TNS3: variants seen among roughly 807,000 people sequenced by gnomAD.
The protein encoded by TNS3 is tensin-3.
TNS3 carries 45 observed loss-of-function variants against 140.9 expected under a neutral mutation model. That is an observed-to-expected ratio of 0.32 (90% CI 0.25 to 0.41). The LOEUF (loss-of-function observed/expected upper bound fraction) is 0.41. Among genes scored for constraint, TNS3 ranks in the 10% least tolerant of loss-of-function variants. TNS3 has a pLI of 1.00. For missense variants in TNS3, 1,716 were observed against 1,906.7 expected, an observed-to-expected ratio of 0.90 and a Z score of 1.86; for synonymous variants, 815 against 788.4, an observed-to-expected ratio of 1.03 and a Z score of -0.56.
At chr7:47,297,304 C>T (rs2150663265) in intron 23 of TNS3, 91 bp from the exon 24 acceptor site, 1 of 1,468,564 alleles carries the variant, frequency 6.8e-7, no homozygotes, top group Non-Finnish European at 9.1e-7. Context: ...TCTCCCCTTA[C>T]TCTTTTTGCA....
chr7:47,290,515 A>G lies in TNS3; in HGVS notation c.3928+1440T>C, dbSNP rs892727543. Among the ~76,000 whole-genome samples, 5 of 152,172 alleles carry G rather than the reference A, an allele frequency of 3.3e-5. No homozygotes were observed. The East Asian group carries it at 9.6e-4, about 29-fold the overall frequency. ...CAAAATTTAACAATAAGAAAACAAA[A>G]CCCAATTAAACAAACAAGCCAAAGG... On this transcript the variant is annotated intron_variant, in intron 27 of 30. Coordinates refer to ENST00000311160, the MANE Select transcript of TNS3 (RefSeq NM_022748.12).
chr7:47,475,603 G>C (rs1191190517), intron 4 of TNS3, among the ~76,000 whole-genome samples: 1 of 152,244 alleles, frequency 6.6e-6, no homozygotes, highest in East Asian at 1.9e-4. Flanking sequence ...GCGGGGAAGT[G>C]GGTCCCATAC....
At chr7:47,420,360 A>G (rs976589072) in intron 10 of TNS3, among the ~76,000 whole-genome samples, 4 of 152,138 alleles carry the variant, frequency 2.6e-5, no homozygotes, top group Non-Finnish European at 1.5e-5. Context: ...CCGTTTCCTG[A>G]TGGTCCACGC....
intron 5 of TNS3, 64 bp downstream of exon 5, chr7:47,441,939 T>G: frequency 8.5e-7 from 1 of 1,175,804 alleles, no homozygotes; most frequent in South Asian, 1.3e-5. Context: ...TGCCCAAGTT[T>G]CCTCTGTAGA....
intron 17 of TNS3, among the ~76,000 whole-genome samples, chr7:47,362,444 T>C (rs149164325): frequency 7.7e-4 from 117 of 152,282 alleles, no homozygotes; most frequent in African/African-American, 2.5e-3. Context: ...AAAGGATCAT[T>C]TGCAGTTCCG....
chr7:47,421,519 G>A (rs1031837389), intron 10 of TNS3, among the ~76,000 whole-genome samples: 12 of 151,604 alleles, frequency 7.9e-5, no homozygotes, highest in African/African-American at 2.7e-4. Context: ...GGGATTGTCC[G>A]GCCTCAGCCT....
chr7:47,377,546 A>G (rs936539418), intron 16 of TNS3, among the ~76,000 whole-genome samples: 3 of 152,158 alleles, frequency 2.0e-5, no homozygotes, highest in Non-Finnish European at 4.4e-5. Context: ...TCAAACTCAG[A>G]CTACTATATA....
intron 16 of TNS3, among the ~76,000 whole-genome samples, chr7:47,380,375 T>C (rs898222073): frequency 2.8e-4 from 43 of 152,204 alleles, no homozygotes; most frequent in African/African-American, 9.9e-4. Flanking sequence ...GGAGGTCCTG[T>C]TGGCCTTATC....
intron 1 of TNS3, among the ~76,000 whole-genome samples, chr7:47,581,259 A>T (rs559646773): frequency 5.7e-4 from 87 of 151,870 alleles, no homozygotes; most frequent in African/African-American, 2.0e-3. Flanking sequence ...CTTGTCAGCG[A>T]CAGCTCCCGC....
intron 17 of TNS3, among the ~76,000 whole-genome samples, chr7:47,357,878 T>C (rs543735585): frequency 5.9e-5 from 9 of 152,336 alleles, no homozygotes; most frequent in Admixed American, 5.9e-4. Flanking sequence ...AGGGAAATGA[T>C]ACGTCCACAC....
chr7:47,340,297 A>G (rs138625541), intron 20 of TNS3, among the ~76,000 whole-genome samples: 377 of 150,324 alleles, frequency 2.5e-3, no homozygotes, highest in Non-Finnish European at 4.0e-3. Flanking sequence ...TAATTTTTGT[A>G]TTTTGAGTAC....
At chr7:47,521,979 G>A (rs186701717) in intron 2 of TNS3, among the ~76,000 whole-genome samples, 195 of 152,274 alleles carry the variant, frequency 1.3e-3, no homozygotes, top group Non-Finnish European at 2.1e-3. Context: ...GGAGGAATGG[G>A]AGGTCTGCAC....
rs544035572 is a variant in TNS3 at position 47,335,461 on chromosome 7, G to T, written c.2650+9294C>A. 7.9e-5 allele frequency among the ~76,000 whole-genome samples: 12 copies of T among 152,326 alleles called. 1 individual carries two copies. The South Asian group carries it at 2.5e-3, about 32-fold the overall frequency. On this transcript the variant is annotated intron_variant, in intron 20 of 30. Coordinates refer to ENST00000311160, the MANE Select transcript of TNS3 (RefSeq NM_022748.12). ...TCATATTTAAATATGCATAATGTGA[G>T]CAGATATTGAAATACCCATCATTTT...
chr7:47,444,411 T>C (rs1419711611), intron 4 of TNS3, among the ~76,000 whole-genome samples: 1 of 152,236 alleles, frequency 6.6e-6, no homozygotes, highest in African/African-American at 2.4e-5. Context: ...CAACTTAACA[T>C]ATAAACAGCA....
chr7:47,543,670 CAG>C (rs1554353281), intron 1 of TNS3, among the ~76,000 whole-genome samples: 262 of 148,530 alleles, frequency 1.8e-3, no homozygotes, highest in African/African-American at 6.6e-3. Context: ...ATGAAAATCA[CAG>C]ACACTCAGTA....
chr7:47,473,250 T>C (rs188199381), intron 4 of TNS3, among the ~76,000 whole-genome samples: 2 of 152,324 alleles, frequency 1.3e-5, no homozygotes, highest in East Asian at 3.9e-4. Context: ...GATGTTGAGT[T>C]TGGCTCTTCT....
chr7:47,431,688 A>G (rs2462638), intron 8 of TNS3, among the ~76,000 whole-genome samples: 61,497 of 152,064 alleles, frequency 0.4, 12,609 homozygotes, highest in Non-Finnish European at 0.42. Context: ...AACAAAGGTC[A>G]GAGCAGAAAC....
chr7:47,312,227 G>C (rs1476043819), intron 20 of TNS3, among the ~76,000 whole-genome samples: 1 of 152,100 alleles, frequency 6.6e-6, no homozygotes, highest in East Asian at 1.9e-4. Context: ...TCCCAGTATG[G>C]CCCACAGGAA....
In TNS3 at chr7:47,428,294, C is replaced by G. The variant is rs189673224; in HGVS notation, c.389+18G>C. 9 of 1,413,306 alleles carry G rather than the reference C, an allele frequency of 6.4e-6. No homozygotes were observed. Among genetic ancestry groups the G allele is most frequent in the Non-Finnish European group, 9.3e-7 (1 of 1,076,474 alleles). The allele number at this position is 1,413,306 out of a possible 1,614,324, so 87.5% of individuals were successfully genotyped here. ...GCTTTTAGCACCTCAAGACAGCGAG[C>G]TGACATCTTCATCCTACCTGGCTGA... On this transcript the variant is annotated intron_variant, in intron 9 of 30. Coordinates refer to ENST00000311160, the MANE Select transcript of TNS3 (RefSeq NM_022748.12).
Sources: gnomAD v4.1 joint callset for allele counts (sites outside exome capture counted in the v4.1 genomes callset) on GRCh38, gnomAD v4.1.1 for gene constraint, MANE v1.5 for transcripts, NCBI Gene and HGNC (gene_info 2026-07-23, HGNC 2026-07-21) for gene names.